Variants in DGKB observed in about 807,000 individuals in gnomAD.
DGKB encodes the protein diacylglycerol kinase beta, also known as 90 kDa diacylglycerol kinase.
Under a neutral mutation model 114.3 loss-of-function variants are expected in DGKB, and 67 were observed. The observed-to-expected ratio is 0.59, with a 90% CI of 0.48 to 0.72. The LOEUF (loss-of-function observed/expected upper bound fraction) is 0.72. Ranked by LOEUF, DGKB falls within the 30% of genes least tolerant of loss-of-function variation. DGKB has a pLI of 0.00. For synonymous variants in DGKB, 398 were observed against 323.1 expected, an observed-to-expected ratio of 1.23 and a Z score of -2.49; for missense variants, 907 against 975.2, an observed-to-expected ratio of 0.93 and a Z score of 0.93.
intron 23 of DGKB, among the ~76,000 whole-genome samples, chr7:14,276,930 T>C (rs1799096382): frequency 1.3e-5 from 2 of 152,076 alleles, no homozygotes; most frequent in South Asian, 4.1e-4. Flanking sequence ...TGATTTGACA[T>C]ATGTCTACAA....
At chr7:14,924,395 C>T (rs941881769) in intron 1 of DGKB, among the ~76,000 whole-genome samples, 4 of 152,070 alleles carry the variant, frequency 2.6e-5, no homozygotes, top group African/African-American at 9.7e-5. Flanking sequence ...TTATGGAGTT[C>T]CTGAATCTTT....
At chr7:14,314,650 G>A (rs1401121000) in intron 23 of DGKB, among the ~76,000 whole-genome samples, 5 of 152,118 alleles carry the variant, frequency 3.3e-5, no homozygotes, top group African/African-American at 7.2e-5. Context: ...CCAAATCTAC[G>A]TCTGACTGGT....
chr7:14,543,617 A>C lies in DGKB; in HGVS notation c.1770+30595T>G, dbSNP rs185334765. On this transcript the variant is annotated intron_variant, in intron 20 of 25. Transcript: ENST00000402815. ...AACTTCACTTCTCTTCAGTGGAATG[A>C]GACAATAATAGTAACTTGCTCACAG... Among the ~76,000 whole-genome samples the C allele has an allele frequency of 3.8e-3, 575 of 152,330 alleles. 7 individuals are homozygous for C. Among genetic ancestry groups the C allele is most frequent in the Non-Finnish European group, 4.0e-3 (271 of 68,028 alleles).
chr7:14,621,824 C>G (rs1807712824), intron 14 of DGKB, among the ~76,000 whole-genome samples: 1 of 151,884 alleles, frequency 6.6e-6, no homozygotes, highest in South Asian at 2.1e-4. Context: ...ATAAAGGGTA[C>G]AGGATTATAA....
At chr7:14,225,500 G>C (rs1006010134) in intron 23 of DGKB, among the ~76,000 whole-genome samples, 2 of 151,982 alleles carry the variant, frequency 1.3e-5, no homozygotes, top group African/African-American at 2.4e-5. Flanking sequence ...GGTCCACAGA[G>C]CTCCTTATGT....
intron 25 of DGKB, chr7:14,176,078 T>G (rs1437915476): frequency 6.6e-6 from 1 of 151,786 alleles, no homozygotes; most frequent in Non-Finnish European, 1.5e-5. Flanking sequence ...TAATCCAGCT[T>G]CTTATCATCA....
intron 1 of DGKB, among the ~76,000 whole-genome samples, chr7:14,942,317 C>A (rs2128255266): frequency 6.6e-6 from 1 of 152,012 alleles, no homozygotes; most frequent in Middle Eastern, 3.4e-3. Context: ...TAATTTACTT[C>A]TCTTTTAGGC....
At chr7:14,157,393 G>A (rs189272790) in intron 25 of DGKB, among the ~76,000 whole-genome samples, 1 of 131,236 alleles carries the variant, frequency 7.6e-6, no homozygotes, top group Non-Finnish European at 1.6e-5. Context: ...TTTTTTTTAT[G>A]ATTCTAGCCA....
At chr7:14,308,075 A>T (rs928841449) in intron 23 of DGKB, among the ~76,000 whole-genome samples, 1 of 152,154 alleles carries the variant, frequency 6.6e-6, no homozygotes, top group Non-Finnish European at 1.5e-5. Context: ...AAATTATATT[A>T]TCCTGTTTTA....
intron 20 of DGKB, among the ~76,000 whole-genome samples, chr7:14,496,715 T>C (rs1011523873): frequency 2.0e-5 from 3 of 151,788 alleles, no homozygotes; most frequent in African/African-American, 7.2e-5. Flanking sequence ...AGAAACATTA[T>C]TCTAAAGTTT....
At chr7:14,197,163 C>T (rs1785147626) in intron 23 of DGKB, among the ~76,000 whole-genome samples, 1 of 152,026 alleles carries the variant, frequency 6.6e-6, no homozygotes, top group Non-Finnish European at 1.5e-5. Flanking sequence ...CAAACTTTGC[C>T]AATATATCTG....
intron 1 of DGKB, among the ~76,000 whole-genome samples, chr7:14,926,997 A>C (rs577575540): frequency 6.6e-6 from 1 of 152,112 alleles, no homozygotes; most frequent in Non-Finnish European, 1.5e-5. Context: ...CAGGTTAGTG[A>C]AAATTTGGGC....
chr7:14,924,811 C>A (rs997197445), intron 1 of DGKB, among the ~76,000 whole-genome samples: 1 of 151,982 alleles, frequency 6.6e-6, no homozygotes, highest in Non-Finnish European at 1.5e-5. Flanking sequence ...ACTGAAGTAC[C>A]CTTTACCCAG....
intron 1 of DGKB, among the ~76,000 whole-genome samples, chr7:14,871,814 G>A (rs1852501608): frequency 6.6e-6 from 1 of 152,166 alleles, no homozygotes; most frequent in African/African-American, 2.4e-5. Flanking sequence ...GAGGTGTGGT[G>A]ATGGATGGCA....
At chr7:14,456,346 T>A (rs916982257) in intron 21 of DGKB, among the ~76,000 whole-genome samples, 2 of 152,052 alleles carry the variant, frequency 1.3e-5, no homozygotes, top group Non-Finnish European at 2.9e-5. Context: ...GGCACTCAGA[T>A]GTAGAGTGAA....
At chr7:14,203,772 T>C (rs1184789607) in intron 23 of DGKB, among the ~76,000 whole-genome samples, 1 of 152,104 alleles carries the variant, frequency 6.6e-6, no homozygotes, top group Admixed American at 6.6e-5. Context: ...GAGATCAAAG[T>C]GCTTCTTAAA....
intron 1 of DGKB, among the ~76,000 whole-genome samples, chr7:14,931,663 T>C (rs1785025067): frequency 6.6e-6 from 1 of 152,162 alleles, no homozygotes; most frequent in Non-Finnish European, 1.5e-5. Context: ...ATTCCTCTTA[T>C]GACCTAGTCC....
chr7:14,563,205 G>C (rs1245395204), intron 20 of DGKB, among the ~76,000 whole-genome samples: 3 of 152,184 alleles, frequency 2.0e-5, no homozygotes, highest in African/African-American at 7.2e-5. Context: ...GTGAAACTGT[G>C]AGTCCACTAA....
intron 5 of DGKB, among the ~76,000 whole-genome samples, chr7:14,723,424 G>C (rs1829533785): frequency 6.6e-6 from 1 of 152,058 alleles, no homozygotes. Context: ...GGCCTCAAGT[G>C]ATCAGAGCTA....
Sources: allele counts gnomAD v4.1 joint callset (sites outside exome capture counted in the v4.1 genomes callset), GRCh38; gene constraint gnomAD v4.1.1; transcripts MANE v1.5; gene names NCBI Gene and HGNC (gene_info 2026-07-23, HGNC 2026-07-21).